Variants in GPR37L1 observed in about 807,000 individuals in gnomAD.
GPR37L1 encodes the protein G protein-coupled receptor 37-like 1.
A neutral mutation model predicts 18.0 loss-of-function variants in GPR37L1; 18 were observed. The ratio of observed to expected loss-of-function variants is 1.00; its 90% confidence interval spans 0.69 to 1.49. GPR37L1 has a LOEUF of 1.49. Among genes scored for constraint, GPR37L1 ranks in the 40% most tolerant of loss-of-function variants. The pLI, the probability that GPR37L1 is intolerant of heterozygous loss-of-function variation, is 0.00. For synonymous variants in GPR37L1, 256 were observed against 273.9 expected (o/e 0.93, Z 0.65); for missense variants, 558 against 615.1 (o/e 0.91, Z 0.98).
chr1:202,126,373 A>C (rs1469486965), intron 1 of GPR37L1, among the ~76,000 whole-genome samples: 4 of 151,040 alleles, frequency 2.6e-5, no homozygotes, highest in Non-Finnish European at 2.9e-5. Flanking sequence ...GCGCCACTGC[A>C]CTCCAGCCTG....
In GPR37L1 at chr1:202,128,755, C is replaced by T. The variant is rs904173078; in HGVS notation, c.*199C>T. ...CCCTTGTGGGGCCTTCCAACCCTGTCCTTTCCACTGGTGGGCGGTGATGCT... is the reference window on the plus strand; with the variant it reads ...CCCTTGTGGGGCCTTCCAACCCTGTTCTTTCCACTGGTGGGCGGTGATGCT... On this transcript the variant is annotated 3_prime_UTR_variant, in exon 2 of 2. Coordinates refer to ENST00000367282, the MANE Select transcript of GPR37L1 (RefSeq NM_004767.5). 14 of 551,774 alleles carry T rather than the reference C, an allele frequency of 2.5e-5. No individual in the cohort carries two copies. The highest frequency in any genetic ancestry group is 3.8e-5 in the Non-Finnish European group (12 of 311,824). The allele number at this position is 551,774 out of a possible 1,614,324, so 34.2% of individuals were successfully genotyped here.
rs1228691400 is a variant in GPR37L1 at position 202,128,344 on chromosome 1, A to T, written c.1234A>T (p.Thr412Ser). ...QFSTFFKGAITPVLLLCICRP... is the reference protein window; with the variant it reads ...QFSTFFKGAISPVLLLCICRP... Reference sequence around the variant, plus strand: ...CTCCACCTTCTTCAAGGGCGCCATCACCCCAGTGCTGCTCCTTTGCATCTG... The same window carrying T: ...CTCCACCTTCTTCAAGGGCGCCATCTCCCCAGTGCTGCTCCTTTGCATCTG... The change falls in exon 2 of 2, where the codon ACC becomes TCC. Residue 412 changes from threonine (T) to serine (S), a missense_variant. Physicochemically the swap from Thr to Ser is moderately conservative, Grantham distance 58. Transcript: ENST00000367282. The T allele has an allele frequency of 6.8e-6, 11 of 1,613,920 alleles. No individual in the cohort carries two copies. The highest frequency in any genetic ancestry group is 9.3e-6 in the Non-Finnish European group (11 of 1,180,010).
At chr1:202,127,424 C>G (rs1290795965) in intron 1 of GPR37L1, among the ~76,000 whole-genome samples, 2 of 152,066 alleles carry the variant, frequency 1.3e-5, no homozygotes. Flanking sequence ...AAGCCATCCT[C>G]CTACCTAAGT....
At position 202,123,123 on chromosome 1, in the gene GPR37L1, A is replaced by G; in HGVS notation, c.160A>G (p.Lys54Glu). ...SKRGTEDEEA[K>E]GVQQYVPEEW... is the part of the protein sequence containing the mutation. ...GAGGGGCACCGAGGATGAGGAGGCC[A>G]AGGGCGTGCAGCAGTATGTGCCTGA... The change falls in exon 1 of 2, where the codon AAG becomes GAG. Residue 54 changes from lysine (K) to glutamate (E), a missense_variant. Coordinates refer to ENST00000367282, the MANE Select transcript of GPR37L1 (RefSeq NM_004767.5). The G allele has an allele frequency of 6.2e-7, 1 of 1,613,702 alleles. No homozygotes were observed. Among genetic ancestry groups the G allele is most frequent in the Non-Finnish European group, 8.5e-7 (1 of 1,179,848 alleles).
In GPR37L1 at chr1:202,128,591, G is replaced by A. The variant is rs573637497; in HGVS notation, c.*35G>A. 17 of 1,197,878 alleles carry A rather than the reference G, an allele frequency of 1.4e-5. No homozygotes were observed. The East Asian group carries it at 1.9e-4, about 14-fold the overall frequency. 74.2% of individuals were successfully genotyped at this position (1,197,878 alleles called of 1,614,324 possible). A position where few individuals can be genotyped will look rare whatever the true frequency, so the allele number is the denominator to read the frequency against. On this transcript the variant is annotated 3_prime_UTR_variant, in exon 2 of 2. Coordinates refer to ENST00000367282, the MANE Select transcript of GPR37L1 (RefSeq NM_004767.5). ...AGGGGTGGGGAGGGAGGGAGAGGCC[G>A]CCACCCCCGCCGGTGTCTGCTGTTC...
At chr1:202,125,866 C>T (rs868052359) in intron 1 of GPR37L1, among the ~76,000 whole-genome samples, 4 of 152,130 alleles carry the variant, frequency 2.6e-5, no homozygotes, top group South Asian at 2.1e-4. Flanking sequence ...GTACCGCAGG[C>T]GTGTGGTACC....
intron 1 of GPR37L1, 122 bp from the exon 2 acceptor site, chr1:202,127,616 CATT>C (rs1558302130): frequency 5.7e-6 from 4 of 704,976 alleles, no homozygotes; most frequent in Non-Finnish European, 9.7e-6. Flanking sequence ...GCACCCGGCC[CATT>C]ATTATAATTT....
rs561408193 is a variant in GPR37L1 at position 202,128,345 on chromosome 1, C to T, written c.1235C>T (p.Thr412Ile). Residue 412 changes from threonine to isoleucine, a missense_variant, in exon 2 of 2, where the codon ACC (threonine) becomes ATC (isoleucine). Thr to Ile is a moderately conservative substitution (Grantham distance 89). Coordinates refer to ENST00000367282, the MANE Select transcript of GPR37L1 (RefSeq NM_004767.5). ...TCCACCTTCTTCAAGGGCGCCATCACCCCAGTGCTGCTCCTTTGCATCTGC... is the reference window on the plus strand; with the variant it reads ...TCCACCTTCTTCAAGGGCGCCATCATCCCAGTGCTGCTCCTTTGCATCTGC... ...QFSTFFKGAI[T>I]PVLLLCICRP... 1 of 1,614,226 alleles carries T rather than the reference C, an allele frequency of 6.2e-7. No individual in the cohort carries two copies. The highest frequency in any genetic ancestry group is 1.1e-5 in the South Asian group (1 of 91,084).
chr1:202,127,780 C>A lies in GPR37L1; in HGVS notation c.670C>A (p.Leu224Met). The A allele has an allele frequency of 1.2e-6, 2 of 1,601,210 alleles. No individual in the cohort carries two copies. Among genetic ancestry groups the A allele is most frequent in the Non-Finnish European group, 8.5e-7 (1 of 1,172,384 alleles). Residue 224 changes from leucine to methionine, a missense_variant, in exon 2 of 2, where the codon CTG becomes ATG. By Grantham distance (15) the Leu-to-Met change is conservative. Coordinates refer to ENST00000367282, the MANE Select transcript of GPR37L1 (RefSeq NM_004767.5). The stretch of plus-strand genomic sequence containing the variant: ...AGTCACGACTTTCAGCCTCTGTGCC[C>A]TGGGCATTGACCGCTTCCACGTGGC... Reference protein sequence around the residue: ...LGVTTFSLCALGIDRFHVATS... With the variant: ...LGVTTFSLCAMGIDRFHVATS...
chr1:202,129,835 C>G lies in GPR37L1; in HGVS notation c.*1279C>G, dbSNP rs1450714799. 1 of 152,458 alleles carries G rather than the reference C, an allele frequency of 6.6e-6. No homozygotes were observed. Among genetic ancestry groups the G allele is most frequent in the African/African-American group, 2.4e-5 (1 of 41,464 alleles). 9.4% of individuals were successfully genotyped at this position (152,458 alleles called of 1,614,324 possible). The stretch of plus-strand genomic sequence containing the variant: ...AGCCTTCATCTCTGCTATGCCCTCT[C>G]TCCACAAAGCCCCCCTTGGAGGGAG... On this transcript the variant is annotated 3_prime_UTR_variant, in exon 2 of 2. Coordinates refer to ENST00000367282, the MANE Select transcript of GPR37L1 (RefSeq NM_004767.5).
At position 202,122,924 on chromosome 1, in the gene GPR37L1, C is replaced by T. The variant is rs1291384859; in HGVS notation, c.-40C>T. The T allele has an allele frequency of 6.2e-7, 1 of 1,608,922 alleles. No homozygotes were observed. The highest frequency in any genetic ancestry group is 1.7e-5 in the Admixed American group (1 of 59,942). The stretch of plus-strand genomic sequence containing the variant: ...CCAGCTCTTGGGCCCCCTGCACTCA[C>T]CTGCTCTTCCTGGGCTGGCTGTCTC... On this transcript the variant is annotated 5_prime_UTR_variant, in exon 1 of 2. Coordinates refer to ENST00000367282, the MANE Select transcript of GPR37L1 (RefSeq NM_004767.5).
chr1:202,127,924 C>A lies in GPR37L1; in HGVS notation c.814C>A (p.Leu272Met), dbSNP rs1486602361. The change falls in exon 2 of 2, where the codon CTG becomes ATG. Residue 272 changes from leucine (L) to methionine (M), a missense_variant. Leu to Met is a conservative substitution (Grantham distance 15). Coordinates refer to ENST00000367282, the MANE Select transcript of GPR37L1 (RefSeq NM_004767.5). Reference protein sequence around the residue: ...LAVPELLLWQLAQEPAPTMGT... With the variant: ...LAVPELLLWQMAQEPAPTMGT... Reference sequence around the variant, plus strand: ...TGTGCCTGAGCTCCTGCTGTGGCAGCTGGCACAGGAGCCTGCCCCCACCAT... The same window carrying A: ...TGTGCCTGAGCTCCTGCTGTGGCAGATGGCACAGGAGCCTGCCCCCACCAT... 1 of 1,613,818 alleles carries A rather than the reference C, an allele frequency of 6.2e-7. No homozygotes were observed. Among genetic ancestry groups the A allele is most frequent in the Non-Finnish European group, 8.5e-7 (1 of 1,179,972 alleles).
intron 1 of GPR37L1, among the ~76,000 whole-genome samples, chr1:202,127,113 G>A (rs1248546116): frequency 6.6e-6 from 1 of 152,110 alleles, no homozygotes; most frequent in Non-Finnish European, 1.5e-5. Context: ...CCTCAGCTCC[G>A]CCATTCATCA....
Position 202,123,125 on chromosome 1 carries a change from G to A in GPR37L1, c.162G>A (p.Lys54=). The change falls in exon 1 of 2, where the codon AAG becomes AAA. Residue 54 remains lysine, a synonymous_variant. Transcript: ENST00000367282. ...SKRGTEDEEA[K]GVQQYVPEEW... is the part of the protein sequence containing the mutation. ...GGGGCACCGAGGATGAGGAGGCCAA[G>A]GGCGTGCAGCAGTATGTGCCTGAGG... The A allele has an allele frequency of 6.2e-7, 1 of 1,613,656 alleles. No individual in the cohort carries two copies.
In GPR37L1 at chr1:202,127,888, A is replaced by G; in HGVS notation, c.778A>G (p.Met260Val). The G allele has an allele frequency of 6.2e-7, 1 of 1,613,852 alleles. No individual in the cohort carries two copies. Among genetic ancestry groups the G allele is most frequent in the Non-Finnish European group, 8.5e-7 (1 of 1,180,014 alleles). The change falls in exon 2 of 2, where the codon ATG becomes GTG. Residue 260 changes from methionine (M) to valine (V), a missense_variant. Met to Val is a conservative substitution (Grantham distance 21). Coordinates refer to ENST00000367282, the MANE Select transcript of GPR37L1 (RefSeq NM_004767.5). Reference sequence around the variant, plus strand: ...GTTGGCTGTCATCTGGGTGGGCTCCATGACGCTGGCTGTGCCTGAGCTCCT... The same window carrying G: ...GTTGGCTGTCATCTGGGTGGGCTCCGTGACGCTGGCTGTGCCTGAGCTCCT... ...AKLAVIWVGS[M>V]TLAVPELLLW... is the part of the protein sequence containing the mutation.
In GPR37L1 at chr1:202,123,559, G is replaced by A. The variant is rs1654568028; in HGVS notation, c.596G>A (p.Gly199Asp). 7 of 1,604,016 alleles carry A rather than the reference G, an allele frequency of 4.4e-6. No individual in the cohort carries two copies. Among genetic ancestry groups the A allele is most frequent in the Non-Finnish European group, 5.1e-6 (6 of 1,174,984 alleles). ...FNEITKQRLL[G>D]DVSCRAVPFM... ...GAGATCACCAAGCAGAGGCTACTGG[G>A]TGACGTTTCTTGTCGTGCCGTGCCC... Residue 199 changes from glycine (G) to aspartate (D), a missense_variant, in exon 1 of 2, where the codon GGT becomes GAT. Coordinates refer to ENST00000367282, the MANE Select transcript of GPR37L1 (RefSeq NM_004767.5).
At position 202,123,022 on chromosome 1, in the gene GPR37L1, G is replaced by A. The variant is rs147716769; in HGVS notation, c.59G>A (p.Ser20Asn). ...SLAVILAVGL[S>N]RVSGGAPLHL... ...GCTGTGATTTTGGCTGTGGGGCTAAGCAGGGTCTCTGGGGGTGCCCCCCTG... is the reference window on the plus strand; with the variant it reads ...GCTGTGATTTTGGCTGTGGGGCTAAACAGGGTCTCTGGGGGTGCCCCCCTG... Residue 20 changes from serine to asparagine, a missense_variant, in exon 1 of 2, where the codon AGC (serine) becomes AAC (asparagine). Ser to Asn is a conservative substitution (Grantham distance 46). Transcript: ENST00000367282. 1 of 1,613,410 alleles carries A rather than the reference G, an allele frequency of 6.2e-7. No homozygotes were observed. The highest frequency in any genetic ancestry group is 1.3e-5 in the African/African-American group (1 of 74,934).
chr1:202,123,384 T>A lies in GPR37L1; in HGVS notation c.421T>A (p.Phe141Ile). Reference protein sequence around the residue: ...YAIMLLALVVFAVGIVGNLSV... With the variant: ...YAIMLLALVVIAVGIVGNLSV... The stretch of plus-strand genomic sequence containing the variant: ...CATCATGCTTCTGGCGCTGGTGGTG[T>A]TTGCGGTGGGCATTGTGGGCAACCT... Residue 141 changes from phenylalanine (F) to isoleucine (I), a missense_variant, in exon 1 of 2, where the codon TTT becomes ATT. Coordinates refer to ENST00000367282, the MANE Select transcript of GPR37L1 (RefSeq NM_004767.5). 1 of 1,614,078 alleles carries A rather than the reference T, an allele frequency of 6.2e-7. No homozygotes were observed. The highest frequency in any genetic ancestry group is 2.2e-5 in the East Asian group (1 of 44,870).
chr1:202,125,612 T>G (rs1654638872), intron 1 of GPR37L1, among the ~76,000 whole-genome samples: 1 of 152,148 alleles, frequency 6.6e-6, no homozygotes, highest in Admixed American at 6.5e-5. Context: ...AGGATAGAGA[T>G]GATCCACAGG....
Sources: allele counts gnomAD v4.1 joint callset (sites outside exome capture counted in the v4.1 genomes callset), GRCh38; gene constraint gnomAD v4.1.1; transcripts MANE v1.5; gene names NCBI Gene and HGNC (gene_info 2026-07-23, HGNC 2026-07-21).